ZBTB40: variants seen among roughly 807,000 people sequenced by gnomAD.
ZBTB40 encodes zinc finger and BTB domain-containing protein 40.
Under a neutral mutation model 117.5 loss-of-function variants are expected in ZBTB40, and 60 were observed. The ratio of observed to expected loss-of-function variants is 0.51; its 90% CI spans 0.41 to 0.63. The LOEUF (loss-of-function observed/expected upper bound fraction) is 0.63, where lower values mean the gene tolerates loss of function less well. Ranked by LOEUF, ZBTB40 falls within the 30% of genes least tolerant of loss-of-function variation. The pLI, the probability that ZBTB40 is intolerant of heterozygous loss-of-function variation, is 0.00. For missense variants in ZBTB40, 1,287 were observed against 1,498.5 expected, an observed-to-expected ratio of 0.86 and a Z score of 2.33; for synonymous variants, 525 against 577.1, an observed-to-expected ratio of 0.91 and a Z score of 1.29.
rs1639603262 is a variant in ZBTB40, at chr1:22,523,806, C to G, written c.3299-412C>G. 2.0e-5 allele frequency among the ~76,000 whole-genome samples: 3 copies of G among 152,212 alleles called. 1 individual carries two copies. In the South Asian group the frequency reaches 6.2e-4, roughly 31 times the overall value. ...TTGGTGTGCGCATTGACGATTGCAC[C>G]TGACTGCCTTAGCCCACAGAAGTCA... On this transcript the variant is annotated intron_variant, in intron 16 of 17. Transcript: ENST00000375647.
intron 1 of ZBTB40, among the ~76,000 whole-genome samples, chr1:22,467,121 A>G (rs1489760288): frequency 6.6e-6 from 1 of 152,142 alleles, no homozygotes; most frequent in African/African-American, 2.4e-5. Flanking sequence ...ATTTCATTGC[A>G]TATATAATTA....
At chr1:22,434,880 TAGTC>T (rs1214725804) in intron 1 of ZBTB40, among the ~76,000 whole-genome samples, 2 of 152,208 alleles carry the variant, frequency 1.3e-5, no homozygotes, top group African/African-American at 2.4e-5. Flanking sequence ...TTGAACTTGA[TAGTC>T]AGCTTCTCCA....
intron 1 of ZBTB40, among the ~76,000 whole-genome samples, chr1:22,467,992 T>G (rs1215106755): frequency 1.3e-5 from 2 of 150,440 alleles, no homozygotes; most frequent in African/African-American, 2.5e-5. Context: ...GAGAGGCTGA[T>G]GCGGGAGGAT....
At chr1:22,510,680 G>A (rs758955093) in intron 9 of ZBTB40, among the ~76,000 whole-genome samples, 1 of 152,098 alleles carries the variant, frequency 6.6e-6, no homozygotes, top group Admixed American at 6.5e-5. Context: ...GAGTTTCTTT[G>A]TGAAAGAAAA....
At chr1:22,514,623 T>C (rs1361863504) in intron 12 of ZBTB40, among the ~76,000 whole-genome samples, 1 of 152,222 alleles carries the variant, frequency 6.6e-6, no homozygotes, top group Non-Finnish European at 1.5e-5. Flanking sequence ...TTACCTTCTC[T>C]GTGAGTCCCT....
chr1:22,455,070 A>AT (rs1160496146), intron 1 of ZBTB40, among the ~76,000 whole-genome samples: 2 of 152,128 alleles, frequency 1.3e-5, no homozygotes, highest in Non-Finnish European at 2.9e-5. Context: ...ATGGCATCTA[A>AT]TTTTTTTAAA....
chr1:22,526,441 G>A lies in ZBTB40; in HGVS notation c.*45G>A. On this transcript the variant is annotated 3_prime_UTR_variant, in exon 18 of 18. Transcript: ENST00000375647. ...AGCCTTCCTGCGTTTGCAGCAGAGAGGAGGCCCCACAGCTTGCCCTTTGCC... is the reference window on the plus strand; with the variant it reads ...AGCCTTCCTGCGTTTGCAGCAGAGAAGAGGCCCCACAGCTTGCCCTTTGCC... 9 of 1,611,320 alleles carry A rather than the reference G, an allele frequency of 5.6e-6. No homozygotes were observed. Among genetic ancestry groups the A allele is most frequent in the Non-Finnish European group, 7.6e-6 (9 of 1,179,662 alleles).
At chr1:22,500,222 G>A (rs1638889978) in intron 3 of ZBTB40, among the ~76,000 whole-genome samples, 1 of 152,188 alleles carries the variant, frequency 6.6e-6, no homozygotes, top group Non-Finnish European at 1.5e-5. Context: ...AGAAAGGAAT[G>A]CTAATTTTGT....
intron 1 of ZBTB40, among the ~76,000 whole-genome samples, chr1:22,483,379 A>G (rs1449795685): frequency 6.6e-6 from 1 of 152,202 alleles, no homozygotes; most frequent in African/African-American, 2.4e-5. Context: ...GTTAATCTGT[A>G]GAATGTCTGT....
intron 1 of ZBTB40, among the ~76,000 whole-genome samples, chr1:22,433,716 C>T (rs1018226004): frequency 6.7e-6 from 1 of 148,992 alleles, no homozygotes; most frequent in African/African-American, 2.5e-5. Flanking sequence ...AAGTTATTTC[C>T]CTATAAAGAT....
At chr1:22,439,122 C>T (rs1254556388) in intron 1 of ZBTB40, among the ~76,000 whole-genome samples, 1 of 152,146 alleles carries the variant, frequency 6.6e-6, no homozygotes, top group Non-Finnish European at 1.5e-5. Flanking sequence ...CGCCTTGGCC[C>T]CCCAAAGTGT....
intron 5 of ZBTB40, among the ~76,000 whole-genome samples, chr1:22,504,390 G>A (rs1272111003): frequency 6.6e-6 from 1 of 152,148 alleles, no homozygotes; most frequent in Admixed American, 6.5e-5. Flanking sequence ...TGTGTGCCAG[G>A]CAGTGTGCTG....
chr1:22,429,264 C>A (rs1259364254), intron 1 of ZBTB40, among the ~76,000 whole-genome samples: 1 of 152,052 alleles, frequency 6.6e-6, no homozygotes, highest in Non-Finnish European at 1.5e-5. Context: ...CGCCTGTAGT[C>A]CCAGCTACTC....
At chr1:22,525,640 AG>A (rs1639655488) in intron 17 of ZBTB40, among the ~76,000 whole-genome samples, 1 of 152,230 alleles carries the variant, frequency 6.6e-6, no homozygotes, top group African/African-American at 2.4e-5. Flanking sequence ...GGAGGAGAGA[AG>A]GGGGCACTGG....
At chr1:22,517,657 C>A (rs1557522261) in intron 13 of ZBTB40, 193 bp downstream of exon 13, 4 of 668,850 alleles carry the variant, frequency 6.0e-6, no homozygotes, top group Non-Finnish European at 9.6e-6. Flanking sequence ...TCTCATATAA[C>A]GCTTATTTCT....
At chr1:22,443,036 T>G (rs1041795495) in intron 1 of ZBTB40, among the ~76,000 whole-genome samples, 1 of 152,206 alleles carries the variant, frequency 6.6e-6, no homozygotes, top group Non-Finnish European at 1.5e-5. Flanking sequence ...AGTGAATATC[T>G]GAGAAAAATC....
intron 1 of ZBTB40, among the ~76,000 whole-genome samples, chr1:22,472,681 G>A (rs980095920): frequency 1.3e-5 from 2 of 152,192 alleles, no homozygotes; most frequent in East Asian, 3.9e-4. Context: ...TGTGTCATGA[G>A]CCAAGATATC....
rs1463189221 is a variant in ZBTB40, at chr1:22,520,063, A to G, written c.2836A>G (p.Ile946Val). 1 of 1,614,050 alleles carries G rather than the reference A, an allele frequency of 6.2e-7. No individual in the cohort carries two copies. The highest frequency in any genetic ancestry group is 8.5e-7 in the Non-Finnish European group (1 of 1,180,012). ...TCATGGATGTCCCGTGAAACTAGAC[A>G]TAGAAGATCCTTATGACTGCAAGAA... is the stretch of plus-strand genomic sequence containing the variant. ...LSIHLHTFHN[I>V]EDPYDCKKCR... The change falls in exon 14 of 18, where the codon ATA becomes GTA. Residue 946 changes from isoleucine to valine, a missense_variant and splice_region_variant. Ile to Val is a conservative substitution (Grantham distance 29). Coordinates refer to ENST00000375647, the MANE Select transcript of ZBTB40 (RefSeq NM_014870.4).
At chr1:22,449,828 A>G (rs1640834039), upstream of ZBTB40, among the ~76,000 whole-genome samples, 1 of 152,208 alleles carries the variant, frequency 6.6e-6, no homozygotes, top group African/African-American at 2.4e-5. Flanking sequence ...GGAGGGACAG[A>G]TGGTGCCTGA....
Sources: gnomAD v4.1 joint callset for allele counts (sites outside exome capture counted in the v4.1 genomes callset) on GRCh38, gnomAD v4.1.1 for gene constraint, MANE v1.5 for transcripts, NCBI Gene and HGNC (gene_info 2026-07-23, HGNC 2026-07-21) for gene names.